The following ARPC5 variants were observed in gnomAD, a reference collection of about 807,000 sequenced individuals.
ARPC5 encodes the protein actin related protein 2/3 complex subunit 5.
Under a neutral mutation model 15.4 loss-of-function variants are expected in ARPC5, and 5 were observed. The observed-to-expected ratio is 0.32, with a 90% CI of 0.17 to 0.68. ARPC5 has a LOEUF of 0.68. Ranked by LOEUF, ARPC5 falls within the 30% of genes least tolerant of loss-of-function variation. ARPC5 has a pLI of 0.71. For missense variants in ARPC5, 138 were observed against 192.8 expected (o/e 0.72, Z 1.68); for synonymous variants, 85 against 72.2 (o/e 1.18, Z -0.90).
intron 3 of ARPC5, among the ~76,000 whole-genome samples, chr1:183,629,721 T>C (rs1455052343): frequency 2.6e-5 from 4 of 152,348 alleles, no homozygotes; most frequent in East Asian, 3.9e-4. Context: ...TTTAAAAAAG[T>C]TGTAAAATAT....
intron 3 of ARPC5, among the ~76,000 whole-genome samples, chr1:183,629,070 T>C (rs1325472193): frequency 1.3e-5 from 2 of 152,164 alleles, no homozygotes; most frequent in Non-Finnish European, 2.9e-5. Flanking sequence ...ACTTCGAAGA[T>C]TGGTAAAAAC....
In ARPC5 at chr1:183,635,660, C is replaced by A. The variant is rs545421605; in HGVS notation, c.-1G>T. On this transcript the variant is annotated 5_prime_UTR_variant, in exon 1 of 4. Coordinates refer to ENST00000359856, the MANE Select transcript of ARPC5 (RefSeq NM_005717.4). Reference sequence around the variant, plus strand: ...CCGACGACACTGTGTTCTTCGACATCCCAATCCCGACCAGCGGCAAAGGCC... The same window carrying A: ...CCGACGACACTGTGTTCTTCGACATACCAATCCCGACCAGCGGCAAAGGCC... The A allele has an allele frequency of 1.2e-6, 2 of 1,611,054 alleles. No homozygotes were observed. Among genetic ancestry groups the A allele is most frequent in the Non-Finnish European group, 1.7e-6 (2 of 1,178,582 alleles).
intron 1 of ARPC5, 96 bp downstream of exon 1, chr1:183,635,421 G>T: frequency 1.4e-6 from 2 of 1,414,074 alleles, no homozygotes; most frequent in Non-Finnish European, 1.9e-6. Flanking sequence ...GGGCAGCTCC[G>T]CGCCGGTGCC....
At position 183,622,787 on chromosome 1, in the gene ARPC5, A is replaced by C. The variant is rs1214736958; in HGVS notation, c.*4745T>G. The C allele has an allele frequency of 6.6e-6, 1 of 152,372 alleles. No homozygotes were observed. The highest frequency in any genetic ancestry group is 2.4e-5 in the African/African-American group (1 of 41,450). 9.4% of individuals were successfully genotyped at this position (152,372 alleles called of 1,614,324 possible). A position where few individuals can be genotyped will look rare whatever the true frequency, so the allele number is the denominator to read the frequency against. On this transcript the variant is annotated 3_prime_UTR_variant, in exon 4 of 4. Coordinates refer to ENST00000359856, the MANE Select transcript of ARPC5 (RefSeq NM_005717.4). ...TGGCTCTGATTTCCACCTAAGGCTG[A>C]TAAATTCCCTTCTTAACTGTCCACA...
In ARPC5 at chr1:183,623,140, T is replaced by C. The variant is rs16861254; in HGVS notation, c.*4392A>G. 0.051 allele frequency: 21,320 copies of C among 418,122 alleles called. 1,241 individuals carry two copies. The highest frequency in any genetic ancestry group is 0.2 in the African/African-American group (9,752 of 49,444). The allele number at this position is 418,122 out of a possible 1,614,324, so 25.9% of individuals were successfully genotyped here. On this transcript the variant is annotated 3_prime_UTR_variant, in exon 4 of 4. Coordinates refer to ENST00000359856, the MANE Select transcript of ARPC5 (RefSeq NM_005717.4). Reference sequence around the variant, plus strand: ...GTCTTGCAGAGCAGGAGCTAACTGCTAGGCTGGAAAATACGGGAGTTTTAG... The same window carrying C: ...GTCTTGCAGAGCAGGAGCTAACTGCCAGGCTGGAAAATACGGGAGTTTTAG...
intron 2 of ARPC5, 73 bp from the exon 3 acceptor site, chr1:183,630,710 C>A (rs1649239438): frequency 7.1e-7 from 1 of 1,403,236 alleles, no homozygotes; most frequent in Non-Finnish European, 9.7e-7. Context: ...AGAAAGTCTA[C>A]ACTATGAATG....
chr1:183,622,860 G>T lies in ARPC5; in HGVS notation c.*4672C>A, dbSNP rs1035725626. 1 of 153,596 alleles carries T rather than the reference G, an allele frequency of 6.5e-6. No homozygotes were observed. 9.5% of individuals were successfully genotyped at this position (153,596 alleles called of 1,614,324 possible). On this transcript the variant is annotated 3_prime_UTR_variant, in exon 4 of 4. Coordinates refer to ENST00000359856, the MANE Select transcript of ARPC5 (RefSeq NM_005717.4). ...GTGACTAAACTTGATTGGCTCTAGGGTATTTGAACCCAAGAATTATTTTAC... is the reference window on the plus strand; with the variant it reads ...GTGACTAAACTTGATTGGCTCTAGGTTATTTGAACCCAAGAATTATTTTAC...
At chr1:183,633,012 TGCAACTGCAGAGGA>T in intron 2 of ARPC5, 56 bp downstream of exon 2, 2 of 1,153,706 alleles carry the variant, frequency 1.7e-6, no homozygotes, top group African/African-American at 1.6e-5. Flanking sequence ...GATTTTTTTT[TGCAACTGCAGAGGA>T]TTTTACTAAG....
Position 183,633,103 on chromosome 1 carries a change from G to A in ARPC5, c.195C>T (p.Asn65=), listed in dbSNP as rs1230512790. ...TCACCTTCACTGCCTGACTCTTGGT[G>A]TTGATAGGGGGGTTCTTCAGAGCTG... ...LQAALKNPPI[N]TKSQAVKDRA... The change falls in exon 2 of 4, where the codon AAC becomes AAT. Residue 65 remains asparagine (N), a synonymous_variant. Transcript: ENST00000359856. 1 of 1,605,422 alleles carries A rather than the reference G, an allele frequency of 6.2e-7. No individual in the cohort carries two copies. The highest frequency in any genetic ancestry group is 1.1e-5 in the South Asian group (1 of 89,624).
chr1:183,623,411 C>T lies in ARPC5; in HGVS notation c.*4121G>A. Reference sequence around the variant, plus strand: ...AGTAGCACCACCTTGAGGCAGATGACATGCTGTACCTCTGTGGGCTTCCCG... The same window carrying T: ...AGTAGCACCACCTTGAGGCAGATGATATGCTGTACCTCTGTGGGCTTCCCG... On this transcript the variant is annotated 3_prime_UTR_variant, in exon 4 of 4. Coordinates refer to ENST00000359856, the MANE Select transcript of ARPC5 (RefSeq NM_005717.4). The T allele has an allele frequency of 6.4e-7, 1 of 1,550,408 alleles. No homozygotes were observed. Among genetic ancestry groups the T allele is most frequent in the Non-Finnish European group, 8.7e-7 (1 of 1,146,814 alleles).
At chr1:183,632,662 G>A (rs554490233) in intron 2 of ARPC5, 1 of 153,512 alleles carries the variant, frequency 6.5e-6, no homozygotes, top group African/African-American at 2.4e-5. Context: ...CTGGGTGCTG[G>A]GACCACAAAC....
rs1261437440 is a variant in ARPC5 at position 183,623,381 on chromosome 1, G to A, written c.*4151C>T. 1 of 1,545,208 alleles carries A rather than the reference G, an allele frequency of 6.5e-7. No individual in the cohort carries two copies. Among genetic ancestry groups the A allele is most frequent in the Non-Finnish European group, 8.8e-7 (1 of 1,142,270 alleles). The stretch of plus-strand genomic sequence containing the variant: ...TTGCTTGTGGTTGGATCATCAATGT[G>A]GTGAAGTAGCACCACCTTGAGGCAG... On this transcript the variant is annotated 3_prime_UTR_variant, in exon 4 of 4. Coordinates refer to ENST00000359856, the MANE Select transcript of ARPC5 (RefSeq NM_005717.4).
intron 1 of ARPC5, among the ~76,000 whole-genome samples, chr1:183,635,125 G>T (rs1438163286): frequency 1.3e-5 from 2 of 152,190 alleles, no homozygotes; most frequent in East Asian, 3.8e-4. Context: ...CAGGAAATCA[G>T]AGTTCTAGGA....
At chr1:183,630,976 T>C (rs1402348907) in intron 2 of ARPC5, 6 of 191,168 alleles carry the variant, frequency 3.1e-5, no homozygotes, top group South Asian at 1.7e-4. Context: ...TGAGAAGACA[T>C]TGGAAGGTTT....
In ARPC5 at chr1:183,625,515, T is replaced by C. The variant is rs908487841; in HGVS notation, c.*2017A>G. On this transcript the variant is annotated 3_prime_UTR_variant, in exon 4 of 4. Transcript: ENST00000359856. Reference sequence around the variant, plus strand: ...CAGTATCATTTGATTTTAAAGTTTGTAATTGGTTATGCTATACCTACTTGA... The same window carrying C: ...CAGTATCATTTGATTTTAAAGTTTGCAATTGGTTATGCTATACCTACTTGA... 1 of 152,226 alleles carries C rather than the reference T, an allele frequency of 6.6e-6. No homozygotes were observed. Among genetic ancestry groups the C allele is most frequent in the African/African-American group, 2.4e-5 (1 of 41,462 alleles). 9.4% of individuals were successfully genotyped at this position (152,226 alleles called of 1,614,324 possible).
At chr1:183,628,504 T>C (rs2101955083) in intron 3 of ARPC5, among the ~76,000 whole-genome samples, 1 of 152,352 alleles carries the variant, frequency 6.6e-6, no homozygotes, top group South Asian at 2.1e-4. Context: ...TACTGAGTAC[T>C]GTGCTAGATG....
Position 183,623,883 on chromosome 1 carries a change from C to T in ARPC5, c.*3649G>A. The T allele has an allele frequency of 4.7e-6, 1 of 213,676 alleles. No individual in the cohort carries two copies. Among genetic ancestry groups the T allele is most frequent in the Non-Finnish European group, 9.5e-6 (1 of 105,784 alleles). 13.2% of individuals were successfully genotyped at this position (213,676 alleles called of 1,614,324 possible). On this transcript the variant is annotated 3_prime_UTR_variant, in exon 4 of 4. Coordinates refer to ENST00000359856, the MANE Select transcript of ARPC5 (RefSeq NM_005717.4). ...CCTAAAAATACAAAAATTAGCTGGG[C>T]ACGGTGATGCGTGCCTGTAATCCGA...
rs1381012162 is a variant in ARPC5, at chr1:183,626,094, C to T, written c.*1438G>A. On this transcript the variant is annotated 3_prime_UTR_variant, in exon 4 of 4. Transcript: ENST00000359856. Reference sequence around the variant, plus strand: ...CTATATAGTCTTATAAAAACCCTACCAAACTGTTCTTGTTAAGAGTACAGT... The same window carrying T: ...CTATATAGTCTTATAAAAACCCTACTAAACTGTTCTTGTTAAGAGTACAGT... 5 of 152,168 alleles carry T rather than the reference C, an allele frequency of 3.3e-5. No individual in the cohort carries two copies. Among genetic ancestry groups the T allele is most frequent in the African/African-American group, 1.2e-4 (5 of 41,438 alleles). The allele number at this position is 152,168 out of a possible 1,614,324, so 9.4% of individuals were successfully genotyped here. A position where few individuals can be genotyped will look rare whatever the true frequency, so the allele number is the denominator to read the frequency against.
At position 183,635,734 on chromosome 1, in the gene ARPC5, T is replaced by G; in HGVS notation, c.-75A>C. 3 of 1,537,018 alleles carry G rather than the reference T, an allele frequency of 2.0e-6. No homozygotes were observed. The highest frequency in any genetic ancestry group is 2.6e-6 in the Non-Finnish European group (3 of 1,135,846). ...CAGCAAGCCCAGCCCAGCAACCCAC[T>G]ACCCGGCGCCTGATTCACTTCCCTC... is the stretch of plus-strand genomic sequence containing the variant. On this transcript the variant is annotated 5_prime_UTR_variant, in exon 1 of 4. Coordinates refer to ENST00000359856, the MANE Select transcript of ARPC5 (RefSeq NM_005717.4).
Sources: gnomAD v4.1 joint callset for allele counts (sites outside exome capture counted in the v4.1 genomes callset) on GRCh38, gnomAD v4.1.1 for gene constraint, MANE v1.5 for transcripts, NCBI Gene and HGNC (gene_info 2026-07-23, HGNC 2026-07-21) for gene names.